Variants in RANBP2 observed in about 807,000 individuals in gnomAD.
RANBP2 encodes RAN binding protein 2.
RANBP2 carries 57 observed loss-of-function variants against 303.6 expected under a neutral mutation model. The ratio of observed to expected loss-of-function variants is 0.19; its 90% CI spans 0.15 to 0.23. RANBP2 has a LOEUF of 0.23. Ranked by LOEUF, RANBP2 falls within the 10% of genes least tolerant of loss-of-function variation. The pLI is 1.00. For missense variants in RANBP2, 3,138 were observed against 3,780.8 expected (o/e 0.83, Z 4.46); for synonymous variants, 1,167 against 1,301.5 (o/e 0.90, Z 2.23).
the RANBP2 span, among the ~76,000 whole-genome samples, chr2:109,318,347 G>T: frequency 6.6e-6 from 1 of 152,164 alleles, no homozygotes; most frequent in South Asian, 2.1e-4. Flanking sequence ...GGTCCCCAGT[G>T]CTTGTCCTCT....
the RANBP2 span, among the ~76,000 whole-genome samples, chr2:109,075,902 C>A: frequency 6.6e-6 from 1 of 150,434 alleles, no homozygotes; most frequent in Non-Finnish European, 1.5e-5. Context: ...TTAAACTCTT[C>A]TAAAAATAGA....
chr2:109,668,220 G>A, the RANBP2 span, among the ~76,000 whole-genome samples: 1 of 152,186 alleles, frequency 6.6e-6, no homozygotes. Flanking sequence ...TTAAAGTGAT[G>A]TAAACTATGG....
intron 7 of RANBP2, among the ~76,000 whole-genome samples, chr2:108,743,309 G>T (rs1296712826): frequency 2.6e-5 from 4 of 152,084 alleles, no homozygotes; most frequent in Non-Finnish European, 4.4e-5. Context: ...GTCTCTTGTT[G>T]CTCTGGCTGG....
chr2:109,546,223 A>G, the RANBP2 span: 1 of 1,553,914 alleles, frequency 6.4e-7, no homozygotes, highest in Non-Finnish European at 8.7e-7. Flanking sequence ...TAAGGTGCTC[A>G]AATTTGGCCT....
the RANBP2 span, among the ~76,000 whole-genome samples, chr2:109,766,126 C>T: frequency 1.3e-5 from 2 of 150,644 alleles, no homozygotes; most frequent in Admixed American, 1.4e-4. Context: ...CGAAGGTCAC[C>T]GTGTAGTTGA....
At chr2:109,591,974 A>G in the RANBP2 span, among the ~76,000 whole-genome samples, 1 of 152,080 alleles carries the variant, frequency 6.6e-6, no homozygotes, top group South Asian at 2.1e-4. Flanking sequence ...CTAGTTACTC[A>G]CCTCTTTCAC....
the RANBP2 span, among the ~76,000 whole-genome samples, chr2:109,690,082 T>C: frequency 6.6e-6 from 1 of 152,196 alleles, no homozygotes; most frequent in African/African-American, 2.4e-5. Context: ...ACCATGGTAC[T>C]GTGAACCCTG....
At chr2:109,540,231 A>T in the RANBP2 span, among the ~76,000 whole-genome samples, 2 of 152,220 alleles carry the variant, frequency 1.3e-5, no homozygotes, top group African/African-American at 4.8e-5. Flanking sequence ...CATGTGCTCG[A>T]GGCATTCCCC....
the RANBP2 span, among the ~76,000 whole-genome samples, chr2:109,240,083 G>C: frequency 7.2e-5 from 11 of 152,184 alleles, no homozygotes; most frequent in African/African-American, 2.7e-4. Context: ...GTGAGTGAAG[G>C]CTGTTGTATT....
chr2:109,099,786 T>A, the RANBP2 span, among the ~76,000 whole-genome samples: 1 of 152,168 alleles, frequency 6.6e-6, no homozygotes, highest in Non-Finnish European at 1.5e-5. Context: ...GTTTTAACTA[T>A]CATTTTTGTT....
chr2:108,759,917 T>A (rs1302386053), intron 18 of RANBP2, among the ~76,000 whole-genome samples: 1 of 152,166 alleles, frequency 6.6e-6, no homozygotes, highest in Non-Finnish European at 1.5e-5. Context: ...CTCATTTTAT[T>A]CTTGCAATGA....
chr2:109,432,423 C>A, the RANBP2 span: 2 of 1,559,472 alleles, frequency 1.3e-6, no homozygotes, highest in South Asian at 1.2e-5. Flanking sequence ...CCAAAGACAA[C>A]CTCCCCCCAG....
the RANBP2 span, among the ~76,000 whole-genome samples, chr2:109,215,687 A>T: frequency 8.5e-5 from 13 of 152,130 alleles, no homozygotes; most frequent in Admixed American, 8.5e-4. Context: ...CTGCTTCTGG[A>T]ATCCTACACC....
At chr2:109,069,767 T>C in the RANBP2 span, among the ~76,000 whole-genome samples, 2 of 152,246 alleles carry the variant, frequency 1.3e-5, no homozygotes, top group African/African-American at 4.8e-5. Context: ...CATTACTCTT[T>C]CCCTTGAGTT....
At chr2:109,513,925 A>G in the RANBP2 span, among the ~76,000 whole-genome samples, 1 of 152,194 alleles carries the variant, frequency 6.6e-6, no homozygotes, top group African/African-American at 2.4e-5. Flanking sequence ...CCGATGAGCA[A>G]ATCCTAGAAG....
the RANBP2 span, among the ~76,000 whole-genome samples, chr2:109,214,377 G>C: frequency 6.6e-6 from 1 of 151,800 alleles, no homozygotes; most frequent in Non-Finnish European, 1.5e-5. Flanking sequence ...CCGGGGCCAC[G>C]TGTGCTGTGT....
At chr2:109,670,263 T>C in the RANBP2 span, among the ~76,000 whole-genome samples, 1 of 116,508 alleles carries the variant, frequency 8.6e-6, no homozygotes, top group African/African-American at 3.2e-5. Flanking sequence ...TGCCCCATGG[T>C]GGGGGACAGG....
chr2:109,178,220 G>A, the RANBP2 span, among the ~76,000 whole-genome samples: 3 of 152,272 alleles, frequency 2.0e-5, no homozygotes, highest in African/African-American at 7.2e-5. Flanking sequence ...TTCATACATT[G>A]CAGAGTCATA....
the RANBP2 span, among the ~76,000 whole-genome samples, chr2:109,097,736 GGTGTGTGTGTGTGTGT>G: frequency 1.4e-4 from 20 of 146,806 alleles, no homozygotes; most frequent in Middle Eastern, 0.028. Flanking sequence ...ATGTGCTTAG[GGTGTGTGTGTGTGTGT>G]GTGTGTGTGT....
Sources: gnomAD v4.1 joint callset for allele counts (sites outside exome capture counted in the v4.1 genomes callset) on GRCh38, gnomAD v4.1.1 for gene constraint, MANE v1.5 for transcripts, NCBI Gene and HGNC (gene_info 2026-07-23, HGNC 2026-07-21) for gene names.